The following NUDT3 variants were observed in gnomAD, a reference collection of about 807,000 sequenced individuals.
NUDT3 encodes nudix hydrolase 3, also known as diphosphoinositol polyphosphate phosphohydrolase 1.
Under a neutral mutation model 23.6 loss-of-function variants are expected in NUDT3, and 9 were observed. The observed-to-expected ratio is 0.38, with a 90% confidence interval of 0.23 to 0.66. The LOEUF (loss-of-function observed/expected upper bound fraction) is 0.66. NUDT3 is among the 30% of genes least tolerant of loss of function. The pLI, the probability that NUDT3 is intolerant of heterozygous loss-of-function variation, is 0.52. For synonymous variants in NUDT3, 86 were observed against 82.6 expected (o/e 1.04, Z -0.22); for missense variants, 172 against 218.5 (o/e 0.79, Z 1.34).
intron 1 of NUDT3, among the ~76,000 whole-genome samples, chr6:34,349,745 T>C (rs757633062): frequency 1.3e-5 from 2 of 150,506 alleles, no homozygotes; most frequent in Non-Finnish European, 3.0e-5. Flanking sequence ...TGGGCATAGA[T>C]ATACTCCAGA....
At chr6:34,310,298 G>A (rs1763751231) in intron 2 of NUDT3, among the ~76,000 whole-genome samples, 1 of 152,114 alleles carries the variant, frequency 6.6e-6, no homozygotes, top group Non-Finnish European at 1.5e-5. Context: ...GGGAGGCCGA[G>A]GCAGGAGGAT....
intron 1 of NUDT3, among the ~76,000 whole-genome samples, chr6:34,356,889 T>C (rs561893635): frequency 2.0e-5 from 3 of 152,160 alleles, no homozygotes; most frequent in Admixed American, 1.3e-4. Flanking sequence ...GCCATTCTCC[T>C]GCCTCAGCCT....
At chr6:34,337,956 T>C (rs1409217377) in intron 2 of NUDT3, among the ~76,000 whole-genome samples, 1 of 152,222 alleles carries the variant, frequency 6.6e-6, no homozygotes, top group African/African-American at 2.4e-5. Context: ...AGAAGCCAAC[T>C]GGATTTAAAT....
At chr6:34,340,384 C>T (rs918024795) in intron 2 of NUDT3, among the ~76,000 whole-genome samples, 3 of 152,198 alleles carry the variant, frequency 2.0e-5, no homozygotes, top group Admixed American at 1.3e-4. Context: ...CTCATGTTCT[C>T]GTTTGAACCT....
intron 1 of NUDT3, among the ~76,000 whole-genome samples, chr6:34,379,799 G>A (rs1444552144): frequency 6.6e-6 from 1 of 151,696 alleles, no homozygotes; most frequent in Non-Finnish European, 1.5e-5. Flanking sequence ...CAGATCCCTT[G>A]AGGTCAGGAG....
chr6:34,323,955 G>GA (rs1415421272), intron 2 of NUDT3, among the ~76,000 whole-genome samples: 2 of 152,172 alleles, frequency 1.3e-5, no homozygotes, highest in South Asian at 2.1e-4. Context: ...TTTATGAACA[G>GA]AAAAAAATGG....
chr6:34,290,736 G>A (rs903712252), intron 4 of NUDT3, among the ~76,000 whole-genome samples: 8 of 146,168 alleles, frequency 5.5e-5, no homozygotes, highest in Admixed American at 4.2e-4. Context: ...TATCTAGTAT[G>A]GATGTATTAT....
intron 2 of NUDT3, among the ~76,000 whole-genome samples, chr6:34,340,291 G>C (rs1764268851): frequency 6.6e-6 from 1 of 152,178 alleles, no homozygotes; most frequent in African/African-American, 2.4e-5. Flanking sequence ...GCCTGTTACA[G>C]AACAGTAAGG....
rs537726615 is a variant in NUDT3, at chr6:34,283,460, C to T, written c.*5293G>A. On this transcript the variant is annotated 3_prime_UTR_variant, in exon 5 of 5. Transcript: ENST00000607016. The stretch of plus-strand genomic sequence containing the variant: ...CCTTGTGATCCACCCGCCTCGGCCT[C>T]CCAAAGTGCTGGGATTACAGGCGTG... The T allele has an allele frequency of 1.1e-4, 17 of 152,344 alleles. No homozygotes were observed. The South Asian group carries it at 3.1e-3, about 28-fold the overall frequency. The allele number at this position is 152,344 out of a possible 1,614,324, so 9.4% of individuals were successfully genotyped here.
chr6:34,386,046 G>T (rs1281269760), intron 1 of NUDT3, among the ~76,000 whole-genome samples: 1 of 152,142 alleles, frequency 6.6e-6, no homozygotes, highest in African/African-American at 2.4e-5. Flanking sequence ...CAAGTACAAT[G>T]AACATAAACA....
chr6:34,366,605 TG>T (rs1184686521), intron 1 of NUDT3, among the ~76,000 whole-genome samples: 1 of 151,666 alleles, frequency 6.6e-6, no homozygotes, highest in African/African-American at 2.4e-5. Context: ...TTGCCCGGGC[TG>T]GAGTACAGTG....
rs571762971 is a variant in NUDT3, at chr6:34,286,056, A to C, written c.*2697T>G. The C allele has an allele frequency of 1.3e-5, 2 of 152,276 alleles. No individual in the cohort carries two copies. The highest frequency in any genetic ancestry group is 4.1e-4 in the South Asian group (2 of 4,820). The allele number at this position is 152,276 out of a possible 1,614,324, so 9.4% of individuals were successfully genotyped here. On this transcript the variant is annotated 3_prime_UTR_variant, in exon 5 of 5. Transcript: ENST00000607016. ...CAGAACATTTAAAAATGTATAAATT[A>C]CTGTTAGCACTGCAGTTCCGTTTTA... is the stretch of plus-strand genomic sequence containing the variant.
intron 2 of NUDT3, among the ~76,000 whole-genome samples, chr6:34,300,654 T>C (rs1167793066): frequency 2.0e-5 from 3 of 152,206 alleles, no homozygotes; most frequent in African/African-American, 4.8e-5. Context: ...CAAAGAAATC[T>C]AGTAAGAAGC....
intron 1 of NUDT3, among the ~76,000 whole-genome samples, chr6:34,345,266 T>C (rs753202227): frequency 4.7e-5 from 7 of 148,484 alleles, no homozygotes; most frequent in African/African-American, 7.4e-5. Flanking sequence ...GCCAGGCTGG[T>C]CTTGAACTCC....
chr6:34,354,616 G>T (rs561806901), intron 1 of NUDT3, among the ~76,000 whole-genome samples: 1 of 151,600 alleles, frequency 6.6e-6, no homozygotes, highest in East Asian at 2.0e-4. Flanking sequence ...CCAACTACTT[G>T]GGAGGTTGAG....
Position 34,288,869 on chromosome 6 carries a change from C to T in NUDT3, c.403G>A (p.Val135Met). ...AATGTTTCAAAATATGATGCCTGCA[C>T]GGGTTTGTGATACTGCAGCACTTTT... ...AIKVLQYHKPVQASYFETLRQ... is the reference protein window; with the variant it reads ...AIKVLQYHKPMQASYFETLRQ... Residue 135 changes from valine (V) to methionine (M), a missense_variant, in exon 5 of 5, where the codon GTG (valine) becomes ATG (methionine). By Grantham distance (21) the Val-to-Met change is conservative (BLOSUM62 1). Around this residue, in one of 3 missense-constraint regions of NUDT3, gnomAD observed 63 missense variants for 64.9 expected, o/e 0.97. Coordinates refer to ENST00000607016, the MANE Select transcript of NUDT3 (RefSeq NM_006703.4). 4.3e-6 allele frequency: 7 copies of T among 1,614,074 alleles called. No homozygotes were observed. The highest frequency in any genetic ancestry group is 5.9e-6 in the Non-Finnish European group (7 of 1,179,990).
At chr6:34,300,812 T>C (rs2113700941) in intron 2 of NUDT3, among the ~76,000 whole-genome samples, 1 of 152,368 alleles carries the variant, frequency 6.6e-6, no homozygotes, top group Admixed American at 6.5e-5. Flanking sequence ...CTGCTACTTC[T>C]TCCCTTGATT....
At chr6:34,294,922 C>T (rs1413361975) in intron 3 of NUDT3, among the ~76,000 whole-genome samples, 1 of 152,108 alleles carries the variant, frequency 6.6e-6, no homozygotes, top group Non-Finnish European at 1.5e-5. Context: ...CCACCACGCC[C>T]AGCATCTGCT....
chr6:34,387,847 T>C (rs1457800095), intron 1 of NUDT3, among the ~76,000 whole-genome samples: 1 of 152,160 alleles, frequency 6.6e-6, no homozygotes, highest in Admixed American at 6.6e-5. Flanking sequence ...GTTAATTTAT[T>C]ATCGAAGAAA....
Sources: allele counts gnomAD v4.1 joint callset (sites outside exome capture counted in the v4.1 genomes callset), GRCh38; gene constraint gnomAD v4.1.1; regional missense constraint gnomAD v4.1.1; transcripts MANE v1.5; gene names NCBI Gene and HGNC (gene_info 2026-07-23, HGNC 2026-07-21).